IGF2: variants seen among roughly 807,000 people sequenced by gnomAD.
The protein encoded by IGF2 is insulin like growth factor 2, also known as insulin-like growth factor 2.
A neutral mutation model predicts 12.0 loss-of-function variants in IGF2; 2 were observed. The observed-to-expected ratio is 0.17, with a 90% CI of 0.07 to 0.52. The LOEUF (loss-of-function observed/expected upper bound fraction) is 0.52, where lower values mean the gene tolerates loss of function less well. Ranked by LOEUF, IGF2 falls within the 20% of genes least tolerant of loss-of-function variation. The pLI is 0.95. For missense variants in IGF2, 211 were observed against 268.0 expected, an observed-to-expected ratio of 0.79 and a Z score of 1.48; for synonymous variants, 105 against 110.1, an observed-to-expected ratio of 0.95 and a Z score of 0.29.
At chr11:2,148,983 C>A in the IGF2 span, 9 of 765,430 alleles carry the variant, frequency 1.2e-5, no homozygotes, top group African/African-American at 1.6e-4. This position sits in a 1 kb window ranked among gnomAD's most constrained non-coding sequence, Gnocchi z 4.3. Flanking sequence ...CAGGAGGCTT[C>A]CCTGCACCCT....
upstream of IGF2, among the ~76,000 whole-genome samples, chr11:2,142,364 G>A (rs1315045976): frequency 1.3e-5 from 2 of 152,108 alleles, no homozygotes; most frequent in African/African-American, 4.8e-5. This position sits in a 1 kb window ranked among gnomAD's most constrained non-coding sequence, Gnocchi z 5.7. Flanking sequence ...GGACTTGGGG[G>A]TCCATATGTA....
chr11:2,142,765 G>A (rs146288849), upstream of IGF2, among the ~76,000 whole-genome samples: 133 of 152,366 alleles, frequency 8.7e-4, no homozygotes, highest in African/African-American at 3.0e-3. This position sits in a 1 kb window ranked among gnomAD's most constrained non-coding sequence, Gnocchi z 5.7. Flanking sequence ...TTTGGGAACT[G>A]GGGCCGTTAG....
chr11:2,132,804 C>A lies in IGF2; in HGVS notation c.*183G>T. On this transcript the variant is annotated 3_prime_UTR_variant, in exon 4 of 4. Coordinates refer to ENST00000416167, the MANE Select transcript of IGF2 (RefSeq NM_000612.6). ...AAGATGCTGCTGTGCTTCCTCAGCC[C>A]GATGGAGGGGGCCGAGGAGAGTAGC... 2 of 550,826 alleles carry A rather than the reference C, an allele frequency of 3.6e-6. No homozygotes were observed. The highest frequency in any genetic ancestry group is 6.4e-6 in the Non-Finnish European group (2 of 311,972). The allele number at this position is 550,826 out of a possible 1,614,324, so 34.1% of individuals were successfully genotyped here.
At position 2,136,049 on chromosome 11, in the gene IGF2, G is replaced by A. The variant is rs140848750; in HGVS notation, c.-6-520C>T. On this transcript the variant is annotated intron_variant, in intron 1 of 3. Coordinates refer to ENST00000416167, the MANE Select transcript of IGF2 (RefSeq NM_000612.6). ...CACAACCCCCAGCTGAGCAGGGGGG[G>A]TCCAGGAGGACCATCGCCCTCAAAG... Among the ~76,000 whole-genome samples, 1,313 of 152,268 alleles carry A rather than the reference G, an allele frequency of 8.6e-3. 3 individuals carry two copies. Among genetic ancestry groups the A allele is most frequent in the Non-Finnish European group, 0.012 (841 of 68,006 alleles).
Position 2,135,596 on chromosome 11 carries a change from C to T in IGF2, c.-6-67G>A. ...CAAGCCCCAGGCCAGAGGTGCCCCT[C>T]CCAAACCAAATTTGCCAACCTACAA... On this transcript the variant is annotated intron_variant, in intron 1 of 3. Transcript: ENST00000416167. 1.8e-5 allele frequency: 26 copies of T among 1,465,144 alleles called. 1 individual carries two copies. The South Asian group carries it at 3.1e-4, about 17-fold the overall frequency. 90.8% of individuals were successfully genotyped at this position (1,465,144 alleles called of 1,614,324 possible). A position where few individuals can be genotyped will look rare whatever the true frequency, so the allele number is the denominator to read the frequency against.
the IGF2 span, chr11:2,147,900 C>T: frequency 1.0e-6 from 1 of 995,142 alleles, no homozygotes; most frequent in Non-Finnish European, 1.3e-6. This position sits in a 1 kb window ranked among gnomAD's most constrained non-coding sequence, Gnocchi z 7.2. Context: ...CTGTCCCATC[C>T]CCCTCCCCGG....
Position 2,133,468 on chromosome 11 carries a change from C to A in IGF2, c.306+49G>T. On this transcript the variant is annotated intron_variant, in intron 3 of 3. Coordinates refer to ENST00000416167, the MANE Select transcript of IGF2 (RefSeq NM_000612.6). This position sits in a 1 kb window ranked among gnomAD's most constrained non-coding sequence, Gnocchi z 8.9. ...CACAGGAAACGCTGGGCGCCCGAAG[C>A]CCTATTTCTCTGTCTCTAGAGAGTG... 6.4e-7 allele frequency: 1 copy of A among 1,554,176 alleles called. No individual in the cohort carries two copies. Among genetic ancestry groups the A allele is most frequent in the Non-Finnish European group, 8.7e-7 (1 of 1,151,382 alleles).
chr11:2,136,305 C>T (rs918572222), intron 1 of IGF2, among the ~76,000 whole-genome samples: 5 of 152,256 alleles, frequency 3.3e-5, no homozygotes, highest in African/African-American at 9.6e-5. Context: ...GGCCTCAAAT[C>T]GAACCAGTAA....
Position 2,138,475 on chromosome 11 carries a change from G to A in IGF2, c.-253C>T. 1 of 929,410 alleles carries A rather than the reference G, an allele frequency of 1.1e-6. No homozygotes were observed. The highest frequency in any genetic ancestry group is 1.3e-6 in the Non-Finnish European group (1 of 783,696). The allele number at this position is 929,410 out of a possible 1,614,324, so 57.6% of individuals were successfully genotyped here. A position where few individuals can be genotyped will look rare whatever the true frequency, so the allele number is the denominator to read the frequency against. On this transcript the variant is annotated 5_prime_UTR_variant, in exon 1 of 4. Transcript: ENST00000416167. Reference sequence around the variant, plus strand: ...GGGCCAGATGTTGTACTTTTCGGGGGGGAAAAGGTATCGGGAAATGAGGTC... The same window carrying A: ...GGGCCAGATGTTGTACTTTTCGGGGAGGAAAAGGTATCGGGAAATGAGGTC...
Position 2,138,915 on chromosome 11 carries a change from G to T in IGF2, c.-693C>A. The T allele has an allele frequency of 2.0e-6, 2 of 984,850 alleles. No individual in the cohort carries two copies. The highest frequency in any genetic ancestry group is 2.4e-6 in the Non-Finnish European group (2 of 829,588). 61.0% of individuals were successfully genotyped at this position (984,850 alleles called of 1,614,324 possible). A position where few individuals can be genotyped will look rare whatever the true frequency, so the allele number is the denominator to read the frequency against. On this transcript the variant is annotated 5_prime_UTR_variant, in exon 1 of 4. Coordinates refer to ENST00000416167, the MANE Select transcript of IGF2 (RefSeq NM_000612.6). Reference sequence around the variant, plus strand: ...CACCCGGACCGCGGGCGCCCAGCTCGGTTTGGGCCGACGGAGCCCTCTGCC... The same window carrying T: ...CACCCGGACCGCGGGCGCCCAGCTCTGTTTGGGCCGACGGAGCCCTCTGCC...
In IGF2 at chr11:2,131,091, C is replaced by A. The variant is rs369965474; in HGVS notation, c.*1896G>T. 1 of 232,406 alleles carries A rather than the reference C, an allele frequency of 4.3e-6. No homozygotes were observed. Among genetic ancestry groups the A allele is most frequent in the African/African-American group, 2.2e-5 (1 of 44,968 alleles). The allele number at this position is 232,406 out of a possible 1,614,324, so 14.4% of individuals were successfully genotyped here. A position where few individuals can be genotyped will look rare whatever the true frequency, so the allele number is the denominator to read the frequency against. On this transcript the variant is annotated 3_prime_UTR_variant, in exon 4 of 4. Coordinates refer to ENST00000416167, the MANE Select transcript of IGF2 (RefSeq NM_000612.6). Reference sequence around the variant, plus strand: ...GGGGTATGGGGAGCATCGTGGCTCACGCTGCGGGGGCCGTGGGGACAGGCG... The same window carrying A: ...GGGGTATGGGGAGCATCGTGGCTCAAGCTGCGGGGGCCGTGGGGACAGGCG...
chr11:2,142,207 T>TA (rs56374651), upstream of IGF2, among the ~76,000 whole-genome samples: 51,131 of 145,364 alleles, frequency 0.35, 9,065 homozygotes, highest in East Asian at 0.7. The surrounding 1 kb of genome is among the most constrained non-coding windows in gnomAD (Gnocchi z 5.7). Context: ...AAATCAGTAT[T>TA]AAAAAAAAAA....
At chr11:2,141,778 G>C (rs1453371694), upstream of IGF2, among the ~76,000 whole-genome samples, 1 of 152,196 alleles carries the variant, frequency 6.6e-6, no homozygotes, top group Non-Finnish European at 1.5e-5. Flanking sequence ...AGAAAGCACT[G>C]TCTAGATTTT....
rs997661616 is a variant in IGF2, at chr11:2,131,187, C to T, written c.*1800G>A. The T allele has an allele frequency of 1.7e-5, 4 of 233,184 alleles. No homozygotes were observed. Among genetic ancestry groups the T allele is most frequent in the Admixed American group, 5.6e-5 (1 of 17,780 alleles). The allele number at this position is 233,184 out of a possible 1,614,324, so 14.4% of individuals were successfully genotyped here. A position where few individuals can be genotyped will look rare whatever the true frequency, so the allele number is the denominator to read the frequency against. ...ATGGAATTAGGCCTGGGACACACCCCGCCCACCCTACGGGTGTATCCCAAA... is the reference window on the plus strand; with the variant it reads ...ATGGAATTAGGCCTGGGACACACCCTGCCCACCCTACGGGTGTATCCCAAA... On this transcript the variant is annotated 3_prime_UTR_variant, in exon 4 of 4. Coordinates refer to ENST00000416167, the MANE Select transcript of IGF2 (RefSeq NM_000612.6).
At chr11:2,140,079 G>A, upstream of IGF2, 4 of 1,568,548 alleles carry the variant, frequency 2.6e-6, no homozygotes, top group Non-Finnish European at 3.5e-6. Context: ...AGCCTACGGA[G>A]GCTCCGGCCG....
chr11:2,145,904 C>G (rs1564904112), upstream of IGF2, among the ~76,000 whole-genome samples: 1 of 152,140 alleles, frequency 6.6e-6, no homozygotes, highest in Non-Finnish European at 1.5e-5. Flanking sequence ...AGACTGGCTC[C>G]TCCCCCACTA....
upstream of IGF2, chr11:2,140,473 A>C: frequency 1.6e-6 from 1 of 611,168 alleles, no homozygotes; most frequent in East Asian, 3.0e-5. Flanking sequence ...TCCGCCATCA[A>C]TCACTTCGCC....
chr11:2,148,761 C>T, the IGF2 span: 1 of 257,756 alleles, frequency 3.9e-6, no homozygotes, highest in Non-Finnish European at 7.4e-6. The surrounding 1 kb of genome is among the most constrained non-coding windows in gnomAD (Gnocchi z 4.3). Context: ...CAGAAAGACT[C>T]TTCCTTTCAC....
chr11:2,144,246 G>C (rs148749891), upstream of IGF2, among the ~76,000 whole-genome samples: 1 of 152,152 alleles, frequency 6.6e-6, no homozygotes, highest in Non-Finnish European at 1.5e-5. Flanking sequence ...ATACCTGCTC[G>C]GTCCCCGCGT....
Sources: gnomAD v4.1 joint callset for allele counts (sites outside exome capture counted in the v4.1 genomes callset) on GRCh38, gnomAD v4.1.1 for gene constraint, Gnocchi (gnomAD v3.1) non-coding constraint, MANE v1.5 for transcripts, NCBI Gene and HGNC (gene_info 2026-07-23, HGNC 2026-07-21) for gene names.